PPP1R16B: variants seen among roughly 807,000 people sequenced by gnomAD.
PPP1R16B encodes protein phosphatase 1 regulatory inhibitor subunit 16B.
Under a neutral mutation model 61.7 loss-of-function variants are expected in PPP1R16B, and 14 were observed. The observed-to-expected ratio is 0.23, with a 90% CI of 0.15 to 0.35. PPP1R16B has a LOEUF of 0.35. PPP1R16B is among the 10% of genes least tolerant of loss of function. The pLI, the probability that PPP1R16B is intolerant of heterozygous loss-of-function variation, is 1.00. For synonymous variants in PPP1R16B, 266 were observed against 305.3 expected, an observed-to-expected ratio of 0.87 and a Z score of 1.34; for missense variants, 547 against 752.5, an observed-to-expected ratio of 0.73 and a Z score of 3.19.
chr20:38,855,979 G>GAA (rs1555804348), intron 2 of PPP1R16B, among the ~76,000 whole-genome samples: 1 of 58,792 alleles, frequency 1.7e-5, no homozygotes, highest in Admixed American at 1.9e-4. Context: ...GAGAGAGAGA[G>GAA]AGAAGGAGGA....
chr20:38,913,512 C>T (rs1478936249), intron 10 of PPP1R16B, among the ~76,000 whole-genome samples: 3 of 152,048 alleles, frequency 2.0e-5, no homozygotes, highest in Admixed American at 6.5e-5. Flanking sequence ...CCACCCGCCT[C>T]GACCTCCCAA....
At chr20:38,866,021 G>T (rs188689762) in intron 2 of PPP1R16B, among the ~76,000 whole-genome samples, 1 of 152,164 alleles carries the variant, frequency 6.6e-6, no homozygotes, top group African/African-American at 2.4e-5. Context: ...CTACTCAGGA[G>T]GCTGGGGCAG....
chr20:38,884,353 C>T (rs779740299), intron 2 of PPP1R16B, among the ~76,000 whole-genome samples: 49 of 152,166 alleles, frequency 3.2e-4, no homozygotes, highest in Non-Finnish European at 3.8e-4. Flanking sequence ...GCTCTGTAGG[C>T]GGAACCACAC....
At chr20:38,835,655 G>A (rs976278643) in intron 1 of PPP1R16B, among the ~76,000 whole-genome samples, 170 bp from the exon 2 acceptor site, 2 of 152,372 alleles carry the variant, frequency 1.3e-5, no homozygotes, top group East Asian at 1.9e-4. Context: ...AGGCAGCATA[G>A]CCAGACCTTG....
Position 38,902,750 on chromosome 20 carries a change from G to A in PPP1R16B, c.654G>A (p.Ala218=), listed in dbSNP as rs374175286. The stretch of plus-strand genomic sequence containing the variant: ...CGGACATCCACTGCATGATCGCAGC[G>A]GGCCAGGACCTGGACTGGATAGATG... The part of the protein sequence containing the change: ...MIADIHCMIA[A]GQDLDWIDAQ... Residue 218 remains alanine (A), a synonymous_variant, in exon 6 of 11, where the codon GCG becomes GCA. Coordinates refer to ENST00000299824, the MANE Select transcript of PPP1R16B (RefSeq NM_015568.4). 5.7e-5 allele frequency: 92 copies of A among 1,614,114 alleles called. 1 individual carries two copies. The highest frequency in any genetic ancestry group is 3.3e-4 in the Middle Eastern group (2 of 6,082).
At chr20:38,908,983 G>A (rs1423444744) in intron 10 of PPP1R16B, among the ~76,000 whole-genome samples, 1 of 151,852 alleles carries the variant, frequency 6.6e-6, no homozygotes. Context: ...GTGTGTGTCT[G>A]TTTTCTTTTT....
intron 2 of PPP1R16B, among the ~76,000 whole-genome samples, chr20:38,853,668 A>G (rs2084983893): frequency 6.6e-6 from 1 of 152,170 alleles, no homozygotes; most frequent in Non-Finnish European, 1.5e-5. Context: ...TGAAACAACA[A>G]CTTCTTATTT....
intron 6 of PPP1R16B, among the ~76,000 whole-genome samples, chr20:38,905,342 C>A (rs1568683396): frequency 6.6e-6 from 1 of 152,180 alleles, no homozygotes; most frequent in Non-Finnish European, 1.5e-5. Flanking sequence ...AGTTCACACA[C>A]ATGGCTGGCA....
intron 2 of PPP1R16B, among the ~76,000 whole-genome samples, chr20:38,845,503 A>C (rs1330988231): frequency 6.6e-6 from 1 of 152,256 alleles, no homozygotes; most frequent in Non-Finnish European, 1.5e-5. Context: ...CTTTAACCCT[A>C]ACATTCACTT....
intron 6 of PPP1R16B, among the ~76,000 whole-genome samples, chr20:38,903,563 A>T (rs552751615): frequency 6.8e-6 from 1 of 147,022 alleles, no homozygotes; most frequent in Non-Finnish European, 1.5e-5. Context: ...CCATCCATCC[A>T]TCCGTCCGTC....
At chr20:38,814,321 C>A (rs1243484912) in intron 1 of PPP1R16B, among the ~76,000 whole-genome samples, 2 of 152,070 alleles carry the variant, frequency 1.3e-5, no homozygotes, top group African/African-American at 2.4e-5. Context: ...TGAGGGAGTA[C>A]CTTTTTTCTT....
chr20:38,822,436 T>C (rs2145710250), intron 1 of PPP1R16B, among the ~76,000 whole-genome samples: 1 of 152,110 alleles, frequency 6.6e-6, no homozygotes, highest in South Asian at 2.1e-4. Flanking sequence ...GCCATTTCTT[T>C]CCTTCAGGTG....
At position 38,905,939 on chromosome 20, in the gene PPP1R16B, A is replaced by C. The variant is rs12626105; in HGVS notation, c.697-30A>C. ...CCGTCAATGTGGGGCTGATCCCCTG[A>C]GGAATGCTCACTTCTTTCCTCTCCT... is the stretch of plus-strand genomic sequence containing the variant. On this transcript the variant is annotated intron_variant, in intron 6 of 10. Coordinates refer to ENST00000299824, the MANE Select transcript of PPP1R16B (RefSeq NM_015568.4). The C allele has an allele frequency of 3.1e-6, 5 of 1,604,150 alleles. No individual in the cohort carries two copies. In the African/African-American group the frequency reaches 5.4e-5, roughly 17 times the overall value.
intron 1 of PPP1R16B, among the ~76,000 whole-genome samples, chr20:38,807,896 T>C (rs1252447147): frequency 1.3e-5 from 2 of 151,984 alleles, no homozygotes; most frequent in Non-Finnish European, 2.9e-5. Flanking sequence ...CCCCGTGCCA[T>C]CTGTGCTCTC....
chr20:38,887,844 G>A (rs758187022), intron 2 of PPP1R16B, among the ~76,000 whole-genome samples: 2 of 152,142 alleles, frequency 1.3e-5, no homozygotes, highest in Non-Finnish European at 2.9e-5. Flanking sequence ...TCCCCTTCAC[G>A]CAGGGCCTCG....
intron 2 of PPP1R16B, chr20:38,872,903 G>A (rs2085140268): frequency 6.6e-6 from 1 of 152,388 alleles, no homozygotes; most frequent in Admixed American, 6.5e-5. Context: ...CATTAATATG[G>A]TGACCTCCCG....
At chr20:38,863,445 A>G (rs1197991169) in intron 2 of PPP1R16B, among the ~76,000 whole-genome samples, 4 of 152,222 alleles carry the variant, frequency 2.6e-5, no homozygotes, top group Non-Finnish European at 4.4e-5. Context: ...AATGGAAATG[A>G]AAACTTTCCA....
intron 2 of PPP1R16B, among the ~76,000 whole-genome samples, chr20:38,885,036 CAAAAAAAAAAAAA>C (rs71330453): frequency 1.5e-5 from 1 of 67,826 alleles, no homozygotes; most frequent in African/African-American, 6.5e-5. Flanking sequence ...AACTCTGTCT[CAAAAAAAAAAAAA>C]AAAAAAAAAA....
Position 38,920,294 on chromosome 20 carries a change from C to T in PPP1R16B, c.*1628C>T, listed in dbSNP as rs779115041. 28 of 152,712 alleles carry T rather than the reference C, an allele frequency of 1.8e-4. No homozygotes were observed. The highest frequency in any genetic ancestry group is 3.5e-4 in the Non-Finnish European group (24 of 68,096). 9.5% of individuals were successfully genotyped at this position (152,712 alleles called of 1,614,324 possible). A position where few individuals can be genotyped will look rare whatever the true frequency, so the allele number is the denominator to read the frequency against. On this transcript the variant is annotated 3_prime_UTR_variant, in exon 11 of 11. Transcript: ENST00000299824. ...TGCAGGTTATCCCTTGCTCTGTGCG[C>T]CTTTTATTTGTCCTTAAACTACCTC... is the stretch of plus-strand genomic sequence containing the variant.
Sources: allele counts gnomAD v4.1 joint callset (sites outside exome capture counted in the v4.1 genomes callset), GRCh38; gene constraint gnomAD v4.1.1; transcripts MANE v1.5; gene names NCBI Gene and HGNC (gene_info 2026-07-23, HGNC 2026-07-21).